The following TCF12 variants were observed in gnomAD, a reference collection of about 807,000 sequenced individuals.
TCF12 encodes DNA-binding protein HTF4.
In TCF12, 45 loss-of-function variants were observed where a neutral mutation model predicts 86.0. The observed-to-expected ratio is 0.52, with a 90% CI of 0.41 to 0.67. The LOEUF is 0.67. Among genes scored for constraint, TCF12 ranks in the 30% least tolerant of loss-of-function variants. The pLI is 0.00. For synonymous variants in TCF12, 330 were observed against 299.6 expected, an observed-to-expected ratio of 1.10 and a Z score of -1.05; for missense variants, 881 against 859.9, an observed-to-expected ratio of 1.02 and a Z score of -0.31.
chr15:56,950,949 T>G (rs1483097190), intron 3 of TCF12, among the ~76,000 whole-genome samples: 1 of 151,368 alleles, frequency 6.6e-6, no homozygotes, highest in Non-Finnish European at 1.5e-5. Flanking sequence ...AGAGATGGGG[T>G]TTCTCTATGT....
chr15:57,107,682 C>G (rs1454686489), intron 5 of TCF12, among the ~76,000 whole-genome samples: 5 of 151,956 alleles, frequency 3.3e-5, no homozygotes, highest in Non-Finnish European at 7.4e-5. Context: ...GCTCAGAGTT[C>G]AAGACCAGCC....
chr15:57,211,468 G>C (rs2058097912), intron 8 of TCF12, among the ~76,000 whole-genome samples: 1 of 152,112 alleles, frequency 6.6e-6, no homozygotes, highest in Non-Finnish European at 1.5e-5. Flanking sequence ...CTAGGCAATG[G>C]AGTTATATAT....
intron 4 of TCF12, among the ~76,000 whole-genome samples, chr15:57,075,929 T>G (rs1446277688): frequency 6.7e-6 from 1 of 150,200 alleles, no homozygotes; most frequent in Non-Finnish European, 1.5e-5. Flanking sequence ...AGTGACACGA[T>G]CGTGGCCTAT....
chr15:57,040,960 T>C (rs1399398599), intron 3 of TCF12, among the ~76,000 whole-genome samples: 1 of 152,180 alleles, frequency 6.6e-6, no homozygotes, highest in Non-Finnish European at 1.5e-5. Context: ...AAGACCACAC[T>C]GAAAAAAATC....
chr15:57,255,894 A>G (rs746490887), intron 16 of TCF12, among the ~76,000 whole-genome samples: 2 of 152,226 alleles, frequency 1.3e-5, no homozygotes, highest in Non-Finnish European at 2.9e-5. Flanking sequence ...TGCCACAGCA[A>G]CTAGCCCAAG....
intron 6 of TCF12, among the ~76,000 whole-genome samples, chr15:57,182,795 TTTTC>T (rs2056436108): frequency 6.6e-6 from 1 of 152,202 alleles, no homozygotes. Flanking sequence ...GTTCTCCTTT[TTTTC>T]TTTCTTTACT....
At chr15:57,218,790 A>G (rs1566932701) in intron 8 of TCF12, among the ~76,000 whole-genome samples, 1 of 152,310 alleles carries the variant, frequency 6.6e-6, no homozygotes, top group East Asian at 1.9e-4. Flanking sequence ...ATTTAGTTTC[A>G]AGATAATCTA....
At chr15:57,039,934 A>G (rs1298630325) in intron 3 of TCF12, among the ~76,000 whole-genome samples, 1 of 152,126 alleles carries the variant, frequency 6.6e-6, no homozygotes, top group Non-Finnish European at 1.5e-5. Context: ...TATTAATATA[A>G]CTGTATTACT....
chr15:56,939,790 C>T (rs1317412882), intron 3 of TCF12, among the ~76,000 whole-genome samples: 1 of 152,082 alleles, frequency 6.6e-6, no homozygotes, highest in African/African-American at 2.4e-5. Flanking sequence ...TGAGTGGAGA[C>T]GTGAGGTGTT....
intron 6 of TCF12, among the ~76,000 whole-genome samples, chr15:57,185,640 C>T (rs1410532279): frequency 6.6e-6 from 1 of 152,224 alleles, no homozygotes; most frequent in Non-Finnish European, 1.5e-5. Context: ...AATTCCAGCA[C>T]TTTGAGAGAC....
intron 18 of TCF12, among the ~76,000 whole-genome samples, chr15:57,264,861 C>T (rs1012830383): frequency 1.3e-5 from 2 of 152,118 alleles, no homozygotes; most frequent in African/African-American, 4.8e-5. Context: ...TCCAGAGTAG[C>T]TGGGACTACA....
At chr15:56,972,333 T>C (rs1457980047) in intron 3 of TCF12, among the ~76,000 whole-genome samples, 1 of 152,352 alleles carries the variant, frequency 6.6e-6, no homozygotes, top group South Asian at 2.1e-4. Context: ...TAAAATAATA[T>C]GTATTATTTG....
At chr15:57,163,308 A>T (rs1051012180) in intron 5 of TCF12, among the ~76,000 whole-genome samples, 1 of 152,258 alleles carries the variant, frequency 6.6e-6, no homozygotes, top group Non-Finnish European at 1.5e-5. Context: ...TATCATTTTC[A>T]TTAAAGTATA....
At chr15:56,993,138 A>C (rs529415902) in intron 3 of TCF12, among the ~76,000 whole-genome samples, 5 of 152,266 alleles carry the variant, frequency 3.3e-5, no homozygotes, top group Non-Finnish European at 5.9e-5. Flanking sequence ...CACAATCTAA[A>C]ACCTAAAAGT....
intron 3 of TCF12, among the ~76,000 whole-genome samples, chr15:56,972,039 T>C (rs1330824711): frequency 6.6e-6 from 1 of 152,182 alleles, no homozygotes; most frequent in African/African-American, 2.4e-5. Flanking sequence ...AACCATTGAA[T>C]TGTGTATTTT....
intron 5 of TCF12, among the ~76,000 whole-genome samples, chr15:57,097,541 A>G (rs2049414171): frequency 6.6e-6 from 1 of 151,998 alleles, no homozygotes; most frequent in Admixed American, 6.6e-5. Context: ...AAATAATAAA[A>G]AATAAAAAAA....
At chr15:56,933,801 A>G (rs2060350584) in intron 3 of TCF12, among the ~76,000 whole-genome samples, 1 of 152,048 alleles carries the variant, frequency 6.6e-6, no homozygotes, top group African/African-American at 2.4e-5. Context: ...AAACTTAAAC[A>G]TTTCTGATGG....
intron 5 of TCF12, among the ~76,000 whole-genome samples, chr15:57,150,418 C>T (rs1364199785): frequency 6.6e-6 from 1 of 152,040 alleles, no homozygotes; most frequent in Non-Finnish European, 1.5e-5. Flanking sequence ...GTTGGTGGTG[C>T]TGAATTAGAC....
At chr15:57,281,623 T>G (rs1186482078) in intron 19 of TCF12, 1 of 152,182 alleles carries the variant, frequency 6.6e-6, no homozygotes, top group Non-Finnish European at 1.5e-5. Flanking sequence ...AGCATTAGAT[T>G]CTCATAGGAG....
Sources: gnomAD v4.1 joint callset for allele counts (sites outside exome capture counted in the v4.1 genomes callset) on GRCh38, gnomAD v4.1.1 for gene constraint, MANE v1.5 for transcripts, NCBI Gene and HGNC (gene_info 2026-07-23, HGNC 2026-07-21) for gene names.